KHDRBS2: variants seen among roughly 807,000 people sequenced by gnomAD.
The protein encoded by KHDRBS2 is KH domain-containing, RNA-binding, signal transduction-associated protein 2.
Under a neutral mutation model 44.3 loss-of-function variants are expected in KHDRBS2, and 26 were observed. The observed-to-expected ratio is 0.59, with a 90% CI of 0.43 to 0.81. The LOEUF is 0.81. KHDRBS2 is among the 40% of genes least tolerant of loss of function. The pLI is 0.00. For synonymous variants in KHDRBS2, 194 were observed against 151.1 expected (o/e 1.28, Z -2.08); for missense variants, 476 against 433.1 (o/e 1.10, Z -0.88).
chr6:61,564,943 C>T, the KHDRBS2 span, among the ~76,000 whole-genome samples: 9 of 151,972 alleles, frequency 5.9e-5, no homozygotes, highest in Non-Finnish European at 1.2e-4. Context: ...TTAAAATAGA[C>T]ATACAGACCA....
At chr6:61,614,488 A>G in the KHDRBS2 span, among the ~76,000 whole-genome samples, 1 of 152,194 alleles carries the variant, frequency 6.6e-6, no homozygotes, top group African/African-American at 2.4e-5. Context: ...TCCTCTGATT[A>G]AATTTAATTG....
the KHDRBS2 span, among the ~76,000 whole-genome samples, chr6:61,557,639 G>A: frequency 1.7e-4 from 26 of 152,102 alleles, no homozygotes; most frequent in African/African-American, 4.6e-4. Context: ...GATAATAGTA[G>A]TAGCCTCATA....
chr6:61,922,448 A>T (rs1808240766), intron 4 of KHDRBS2, among the ~76,000 whole-genome samples: 1 of 152,202 alleles, frequency 6.6e-6, no homozygotes, highest in Non-Finnish European at 1.5e-5. Context: ...AACAACAAAG[A>T]GCTGCAAAAA....
chr6:62,190,101 A>T (rs1404861655), intron 1 of KHDRBS2, among the ~76,000 whole-genome samples: 1 of 152,118 alleles, frequency 6.6e-6, no homozygotes, highest in Admixed American at 6.6e-5. Flanking sequence ...CCAGCAAATG[A>T]AGTAAGAAGG....
chr6:62,060,674 A>G (rs574344845), intron 2 of KHDRBS2, among the ~76,000 whole-genome samples: 25 of 151,740 alleles, frequency 1.6e-4, no homozygotes, highest in African/African-American at 5.5e-4. Context: ...TAAAAGAGAA[A>G]TATCTACCAC....
chr6:62,102,015 G>A (rs1802011759), intron 2 of KHDRBS2, among the ~76,000 whole-genome samples: 1 of 152,056 alleles, frequency 6.6e-6, no homozygotes. Flanking sequence ...TTAAATGTAA[G>A]CAAATACACT....
At chr6:61,797,838 A>G (rs2127588197) in intron 6 of KHDRBS2, among the ~76,000 whole-genome samples, 1 of 151,776 alleles carries the variant, frequency 6.6e-6, no homozygotes, top group Middle Eastern at 3.4e-3. Flanking sequence ...GAATTTGTAG[A>G]GGGGACTTCA....
chr6:61,553,253 C>T, the KHDRBS2 span, among the ~76,000 whole-genome samples: 16 of 152,040 alleles, frequency 1.1e-4, no homozygotes, highest in African/African-American at 3.9e-4. Context: ...GTCCAGGAAT[C>T]TATCCATTTA....
At chr6:62,247,489 A>G (rs1469592618) in intron 1 of KHDRBS2, among the ~76,000 whole-genome samples, 1 of 152,068 alleles carries the variant, frequency 6.6e-6, no homozygotes, top group African/African-American at 2.4e-5. Context: ...TAAAGTAACA[A>G]TGGTATATCT....
the KHDRBS2 span, among the ~76,000 whole-genome samples, chr6:61,588,821 G>T: frequency 6.6e-6 from 1 of 152,018 alleles, no homozygotes; most frequent in South Asian, 2.1e-4. Context: ...CAACCCAAAT[G>T]GCCATCAATA....
chr6:62,061,702 T>C (rs1226717789), intron 2 of KHDRBS2, among the ~76,000 whole-genome samples: 2 of 151,156 alleles, frequency 1.3e-5, no homozygotes, highest in African/African-American at 4.9e-5. Flanking sequence ...CTGTATTTCC[T>C]GAATCTGAAC....
At chr6:61,773,712 C>G (rs1781420731) in intron 6 of KHDRBS2, among the ~76,000 whole-genome samples, 1 of 151,702 alleles carries the variant, frequency 6.6e-6, no homozygotes, top group Non-Finnish European at 1.5e-5. Context: ...ACATGAAGTC[C>G]TTGCCCATGC....
At chr6:62,045,718 TTAA>T (rs532353329) in intron 3 of KHDRBS2, among the ~76,000 whole-genome samples, 94 of 152,124 alleles carry the variant, frequency 6.2e-4, no homozygotes, top group African/African-American at 2.2e-3. Flanking sequence ...TGTGATGTAT[TTAA>T]TAATTAGAAA....
At chr6:62,069,793 T>A (rs1794562187) in intron 2 of KHDRBS2, among the ~76,000 whole-genome samples, 2 of 151,818 alleles carry the variant, frequency 1.3e-5, no homozygotes, top group African/African-American at 2.4e-5. Context: ...GGATTTTATG[T>A]TTGTTTATAT....
At chr6:61,561,608 C>T in the KHDRBS2 span, among the ~76,000 whole-genome samples, 9 of 152,232 alleles carry the variant, frequency 5.9e-5, no homozygotes, top group South Asian at 1.7e-3. Flanking sequence ...GGGAGAGGAG[C>T]TTCTCCCCAT....
chr6:62,203,288 C>A (rs766012726), intron 1 of KHDRBS2, among the ~76,000 whole-genome samples: 1 of 151,766 alleles, frequency 6.6e-6, no homozygotes, highest in African/African-American at 2.4e-5. Context: ...CATGTTGGGG[C>A]GGTGGGAGGG....
chr6:62,103,475 C>T (rs1802381880), intron 2 of KHDRBS2, among the ~76,000 whole-genome samples: 1 of 152,190 alleles, frequency 6.6e-6, no homozygotes, highest in Non-Finnish European at 1.5e-5. Context: ...ATGGAGTGGG[C>T]ACTGGGAGCA....
At chr6:61,601,476 T>C in the KHDRBS2 span, among the ~76,000 whole-genome samples, 1 of 152,154 alleles carries the variant, frequency 6.6e-6, no homozygotes, top group Non-Finnish European at 1.5e-5. Flanking sequence ...TGGTTCCAAA[T>C]AGCCAGATAA....
chr6:61,566,136 A>G, the KHDRBS2 span, among the ~76,000 whole-genome samples: 1 of 152,140 alleles, frequency 6.6e-6, no homozygotes, highest in African/African-American at 2.4e-5. Flanking sequence ...TAAGCCAGAC[A>G]TAGAAAGACA....
Sources: gnomAD v4.1 joint callset for allele counts (sites outside exome capture counted in the v4.1 genomes callset) on GRCh38, gnomAD v4.1.1 for gene constraint, MANE v1.5 for transcripts, NCBI Gene and HGNC (gene_info 2026-07-23, HGNC 2026-07-21) for gene names.